Variants in GRIK2 observed in about 807,000 individuals in gnomAD.
GRIK2 encodes the protein glutamate receptor ionotropic, kainate 2.
In GRIK2, 32 loss-of-function variants were observed where a neutral mutation model predicts 100.3. That is an observed-to-expected ratio of 0.32 (90% CI 0.24 to 0.43). The LOEUF (loss-of-function observed/expected upper bound fraction) is 0.43, where lower values mean the gene tolerates loss of function less well. Ranked by LOEUF, GRIK2 falls within the 20% of genes least tolerant of loss-of-function variation. The probability of loss-of-function intolerance (pLI) is 1.00; values close to 1 mark genes in which losing one functional copy is unlikely to be tolerated. For missense variants in GRIK2, 843 were observed against 1,114.9 expected (o/e 0.76, Z 3.47); for synonymous variants, 417 against 389.4 (o/e 1.07, Z -0.83).
At chr6:101,823,904 G>A (rs1485956434) in intron 10 of GRIK2, among the ~76,000 whole-genome samples, 1 of 139,188 alleles carries the variant, frequency 7.2e-6, no homozygotes, top group Non-Finnish European at 1.5e-5. Context: ...GTCTCGCTCT[G>A]TCGCCCAGGC....
At chr6:101,515,351 G>T (rs555326152) in intron 2 of GRIK2, among the ~76,000 whole-genome samples, 2 of 152,152 alleles carry the variant, frequency 1.3e-5, no homozygotes, top group African/African-American at 4.8e-5. Context: ...CAATTTTGCA[G>T]TTGTGAATTG....
chr6:102,069,021 T>G lies in GRIK2; in HGVS notation c.*510T>G. 6.6e-6 allele frequency: 1 copy of G among 152,240 alleles called. No homozygotes were observed. Among genetic ancestry groups the G allele is most frequent in the South Asian group, 2.1e-4 (1 of 4,826 alleles). The allele number at this position is 152,240 out of a possible 1,614,324, so 9.4% of individuals were successfully genotyped here. A position where few individuals can be genotyped will look rare whatever the true frequency, so the allele number is the denominator to read the frequency against. ...CTACTCAGTATAATTATTGTCTGAA[T>G]GCAAAGTATGTGTTTATAGGATGTG... is the stretch of plus-strand genomic sequence containing the variant. On this transcript the variant is annotated 3_prime_UTR_variant, in exon 17 of 17. Coordinates refer to ENST00000369134, the MANE Select transcript of GRIK2 (RefSeq NM_021956.5).
chr6:101,706,733 C>T (rs1773324793), intron 7 of GRIK2, among the ~76,000 whole-genome samples: 1 of 151,856 alleles, frequency 6.6e-6, no homozygotes, highest in African/African-American at 2.4e-5. Context: ...CCTAGAGCCA[C>T]AGCTTTTCAT....
chr6:101,629,073 T>C (rs113065569), intron 4 of GRIK2, among the ~76,000 whole-genome samples: 2,892 of 152,212 alleles, frequency 0.019, 35 homozygotes, highest in Non-Finnish European at 0.029. Context: ...TTCTCAATTA[T>C]ATCATTGAGG....
At chr6:101,424,769 A>G (rs1185721695) in intron 2 of GRIK2, among the ~76,000 whole-genome samples, 5 of 145,096 alleles carry the variant, frequency 3.4e-5, no homozygotes, top group African/African-American at 1.3e-4. Flanking sequence ...TCCTGTGTCC[A>G]TGTGTTCTCA....
chr6:101,521,250 A>G (rs1774868767), intron 2 of GRIK2, among the ~76,000 whole-genome samples: 1 of 151,764 alleles, frequency 6.6e-6, no homozygotes, highest in South Asian at 2.1e-4. Flanking sequence ...ACTATTGTAT[A>G]TAGTAAACCT....
intron 7 of GRIK2, among the ~76,000 whole-genome samples, chr6:101,760,171 C>A (rs888589872): frequency 6.7e-6 from 1 of 148,906 alleles, no homozygotes; most frequent in Non-Finnish European, 1.5e-5. Flanking sequence ...GCCCGGCCAG[C>A]ATTTTATTTT....
At chr6:101,909,262 A>G (rs1003378593) in intron 12 of GRIK2, among the ~76,000 whole-genome samples, 4 of 150,822 alleles carry the variant, frequency 2.7e-5, no homozygotes, top group South Asian at 2.1e-4. Flanking sequence ...GATTATTGTT[A>G]TAATGTCCTA....
chr6:101,546,812 T>TTTG (rs1776256989), intron 2 of GRIK2, among the ~76,000 whole-genome samples: 1 of 146,846 alleles, frequency 6.8e-6, no homozygotes, highest in Admixed American at 6.8e-5. Flanking sequence ...CTCTCATGTT[T>TTTG]TTGTTTCTTT....
At chr6:101,896,738 C>T (rs62419321) in intron 12 of GRIK2, among the ~76,000 whole-genome samples, 3,328 of 151,654 alleles carry the variant, frequency 0.022, 34 homozygotes, top group Non-Finnish European at 0.036. Flanking sequence ...TTAAGTGTTT[C>T]CACTGGAAAA....
chr6:101,565,931 A>G lies in GRIK2; in HGVS notation c.116-56018A>G, dbSNP rs372054651. Among the ~76,000 whole-genome samples, 190 of 65,498 alleles carry G rather than the reference A, an allele frequency of 2.9e-3. 3 individuals carry two copies. Among genetic ancestry groups the G allele is most frequent in the South Asian group, 0.015 (41 of 2,652 alleles). 43.0% of individuals were successfully genotyped at this position (65,498 alleles called of 152,430 possible). A position where few individuals can be genotyped will look rare whatever the true frequency, so the allele number is the denominator to read the frequency against. ...ATACCTATTTTATATATATATATAT[A>G]TGTGTATATATATATATATATATAT... On this transcript the variant is annotated intron_variant, in intron 2 of 16. Transcript: ENST00000369134.
intron 7 of GRIK2, among the ~76,000 whole-genome samples, chr6:101,712,238 C>G (rs61090963): frequency 0.15 from 23,458 of 151,792 alleles, 2,369 homozygotes; most frequent in East Asian, 0.42. Flanking sequence ...ACCTTGCTAC[C>G]CTGTGTGTGG....
intron 7 of GRIK2, among the ~76,000 whole-genome samples, chr6:101,723,490 G>A (rs1349439893): frequency 6.6e-6 from 1 of 151,924 alleles, no homozygotes; most frequent in Admixed American, 6.6e-5. Flanking sequence ...ACTAGAAACT[G>A]GAACATATGT....
chr6:101,893,861 T>G (rs1787265031), intron 12 of GRIK2, among the ~76,000 whole-genome samples: 1 of 151,790 alleles, frequency 6.6e-6, no homozygotes. Flanking sequence ...AATCAGTGCA[T>G]ATATCTGGCA....
intron 11 of GRIK2, among the ~76,000 whole-genome samples, chr6:101,861,158 A>G (rs1438428525): frequency 3.3e-5 from 5 of 152,220 alleles, no homozygotes; most frequent in Non-Finnish European, 5.9e-5. Context: ...TATCATTTTA[A>G]TAATTAGGAA....
At chr6:101,984,478 G>GACAC (rs1277711851) in intron 14 of GRIK2, among the ~76,000 whole-genome samples, 13 of 151,462 alleles carry the variant, frequency 8.6e-5, no homozygotes, top group Non-Finnish European at 1.9e-4. Flanking sequence ...ATACTTGCTG[G>GACAC]ACACAACTGA....
chr6:101,993,817 AAAAT>A (rs1354231079), intron 14 of GRIK2: 1 of 148,188 alleles, frequency 6.7e-6, no homozygotes, highest in South Asian at 2.1e-4. Context: ...ATACAGAATA[AAAAT>A]AAATATATAT....
In GRIK2 at chr6:101,806,627, T is replaced by G. The variant is rs540551051; in HGVS notation, c.1203+4189T>G. Among the ~76,000 whole-genome samples the G allele has an allele frequency of 4.2e-4, 41 of 98,292 alleles. No individual in the cohort carries two copies. The South Asian group carries it at 6.4e-3, about 15-fold the overall frequency. The allele number at this position is 98,292 out of a possible 152,430, so 64.5% of individuals were successfully genotyped here. On this transcript the variant is annotated intron_variant, in intron 9 of 16. Coordinates refer to ENST00000369134, the MANE Select transcript of GRIK2 (RefSeq NM_021956.5). ...TTTCTTCTGCCCTACCTACAGAGGGTTTTTTTTTTTTTCTCATTTCCTCAA... is the reference window on the plus strand; with the variant it reads ...TTTCTTCTGCCCTACCTACAGAGGGGTTTTTTTTTTTTCTCATTTCCTCAA...
intron 15 of GRIK2, among the ~76,000 whole-genome samples, chr6:102,044,582 T>C (rs1371378251): frequency 6.6e-6 from 1 of 151,974 alleles, no homozygotes; most frequent in African/African-American, 2.4e-5. Flanking sequence ...ACTTATTCAC[T>C]ACCACGAGAA....
Sources: gnomAD v4.1 joint callset for allele counts (sites outside exome capture counted in the v4.1 genomes callset) on GRCh38, gnomAD v4.1.1 for gene constraint, MANE v1.5 for transcripts, NCBI Gene and HGNC (gene_info 2026-07-23, HGNC 2026-07-21) for gene names.